Variants in RPS6KC1 observed in about 807,000 individuals in gnomAD.
RPS6KC1 encodes the protein ribosomal protein S6 kinase C1, also known as inactive ribosomal protein S6 kinase delta-1.
A neutral mutation model predicts 103.8 loss-of-function variants in RPS6KC1; 54 were observed. The observed-to-expected ratio is 0.52, with a 90% CI of 0.42 to 0.65. The LOEUF is 0.65. RPS6KC1 is among the 30% of genes least tolerant of loss of function. RPS6KC1 has a pLI of 0.00. For missense variants in RPS6KC1, 1,151 were observed against 1,253.8 expected (o/e 0.92, Z 1.24); for synonymous variants, 439 against 438.7 (o/e 1.00, Z -0.01).
chr1:213,607,121 G>A, the RPS6KC1 span, among the ~76,000 whole-genome samples: 4 of 152,240 alleles, frequency 2.6e-5, no homozygotes, highest in Middle Eastern at 3.4e-3. Flanking sequence ...GAAGAATGAG[G>A]CATGCTCTCC....
the RPS6KC1 span, among the ~76,000 whole-genome samples, chr1:213,334,301 T>C: frequency 6.6e-6 from 1 of 152,170 alleles, no homozygotes; most frequent in African/African-American, 2.4e-5. Flanking sequence ...TTTGTCAAAT[T>C]TGGGAACACC....
chr1:213,307,070 T>G, the RPS6KC1 span, among the ~76,000 whole-genome samples: 1 of 150,370 alleles, frequency 6.7e-6, no homozygotes, highest in Admixed American at 6.6e-5. Context: ...GTTTTTTTTT[T>G]TTTTTTTTTT....
intron 6 of RPS6KC1, among the ~76,000 whole-genome samples, chr1:213,153,623 G>A (rs946693376): frequency 3.3e-5 from 5 of 152,300 alleles, no homozygotes; most frequent in African/African-American, 9.6e-5. Context: ...CCACATTACA[G>A]TGTTATAATA....
the RPS6KC1 span, among the ~76,000 whole-genome samples, chr1:213,434,735 C>T: frequency 2.0e-5 from 3 of 152,140 alleles, no homozygotes; most frequent in East Asian, 5.8e-4. Context: ...GGATTACAGG[C>T]ATGAGCCACT....
At chr1:213,857,150 G>A in the RPS6KC1 span, among the ~76,000 whole-genome samples, 1 of 152,162 alleles carries the variant, frequency 6.6e-6, no homozygotes, top group Admixed American at 6.5e-5. Flanking sequence ...TGACCCAAAG[G>A]AGTGTTTTGG....
the RPS6KC1 span, among the ~76,000 whole-genome samples, chr1:213,574,372 A>G: frequency 6.6e-6 from 1 of 152,208 alleles, no homozygotes; most frequent in Non-Finnish European, 1.5e-5. Context: ...TATTCCTCCT[A>G]AAGGCATTTT....
the RPS6KC1 span, among the ~76,000 whole-genome samples, chr1:213,305,947 C>A: frequency 6.6e-6 from 1 of 152,196 alleles, no homozygotes; most frequent in East Asian, 1.9e-4. Context: ...TACTCCATTA[C>A]AAGTGACAGA....
chr1:213,366,750 A>G, the RPS6KC1 span, among the ~76,000 whole-genome samples: 1 of 152,178 alleles, frequency 6.6e-6, no homozygotes. Context: ...CTTCTGGGAA[A>G]TTGTCCACCT....
chr1:213,449,375 T>C, the RPS6KC1 span, among the ~76,000 whole-genome samples: 3 of 152,230 alleles, frequency 2.0e-5, no homozygotes, highest in African/African-American at 7.2e-5. Context: ...TTCTAGAGGC[T>C]AGAAGTCCAA....
chr1:213,360,666 G>C, the RPS6KC1 span, among the ~76,000 whole-genome samples: 1 of 152,180 alleles, frequency 6.6e-6, no homozygotes, highest in Non-Finnish European at 1.5e-5. Flanking sequence ...TTTCTGTTCT[G>C]TTTTTTCCCC....
At chr1:213,164,251 T>G (rs1227528410) in intron 6 of RPS6KC1, among the ~76,000 whole-genome samples, 1 of 152,214 alleles carries the variant, frequency 6.6e-6, no homozygotes, top group Non-Finnish European at 1.5e-5. Flanking sequence ...ATTTCTGGAT[T>G]CCGTTATCTG....
At chr1:213,798,512 G>C in the RPS6KC1 span, among the ~76,000 whole-genome samples, 1 of 152,174 alleles carries the variant, frequency 6.6e-6, no homozygotes, top group Non-Finnish European at 1.5e-5. Context: ...GTATACCTGG[G>C]AGTTCTAGAG....
chr1:213,070,850 A>G (rs2078800479), intron 1 of RPS6KC1, among the ~76,000 whole-genome samples, 156 bp from the exon 2 acceptor site: 1 of 152,232 alleles, frequency 6.6e-6, no homozygotes, highest in South Asian at 2.1e-4. Context: ...CAGATAGTGA[A>G]GTTATTATAT....
the RPS6KC1 span, among the ~76,000 whole-genome samples, chr1:213,355,686 G>C: frequency 1.2e-4 from 19 of 152,240 alleles, no homozygotes; most frequent in African/African-American, 4.3e-4. Context: ...TTTATACTTA[G>C]TTACCTTTTT....
the RPS6KC1 span, among the ~76,000 whole-genome samples, chr1:213,343,351 G>A: frequency 1.0e-5 from 1 of 96,066 alleles, no homozygotes. Flanking sequence ...AATAATGAAG[G>A]CTGAAGAGAG....
At chr1:213,679,152 A>G in the RPS6KC1 span, among the ~76,000 whole-genome samples, 17 of 152,338 alleles carry the variant, frequency 1.1e-4, 1 homozygote, top group African/African-American at 3.6e-4. Flanking sequence ...GTCTTCCAGT[A>G]TAAAACGAGC....
At chr1:213,344,878 G>A in the RPS6KC1 span, among the ~76,000 whole-genome samples, 1 of 152,090 alleles carries the variant, frequency 6.6e-6, no homozygotes, top group African/African-American at 2.4e-5. Context: ...TCTCCATGAG[G>A]GCAGAGAGTT....
chr1:213,639,500 C>T, the RPS6KC1 span, among the ~76,000 whole-genome samples: 4 of 151,942 alleles, frequency 2.6e-5, no homozygotes, highest in East Asian at 1.9e-4. Flanking sequence ...ATCTTTTACC[C>T]TTAAGTATGA....
At chr1:213,418,891 G>A in the RPS6KC1 span, among the ~76,000 whole-genome samples, 6 of 152,332 alleles carry the variant, frequency 3.9e-5, no homozygotes, top group African/African-American at 1.2e-4. Flanking sequence ...CCAGCTGCAG[G>A]TGGCTCGGCT....
Sources: gnomAD v4.1 joint callset for allele counts (sites outside exome capture counted in the v4.1 genomes callset) on GRCh38, gnomAD v4.1.1 for gene constraint, MANE v1.5 for transcripts, NCBI Gene and HGNC (gene_info 2026-07-23, HGNC 2026-07-21) for gene names.